GALK1: variants seen among roughly 807,000 people sequenced by gnomAD.
The protein encoded by GALK1 is galactokinase.
In GALK1, 30 loss-of-function variants were observed where a neutral mutation model predicts 38.6. That is an observed-to-expected ratio of 0.78 (90% CI 0.58 to 1.05). The LOEUF (loss-of-function observed/expected upper bound fraction) is 1.05. Among genes scored for constraint, GALK1 ranks in the 50% least tolerant of loss-of-function variants. The pLI, the probability that GALK1 is intolerant of heterozygous loss-of-function variation, is 0.00. For missense variants in GALK1, 512 were observed against 540.5 expected (o/e 0.95, Z 0.52); for synonymous variants, 240 against 233.6 (o/e 1.03, Z -0.25).
At chr17:75,755,594 C>A, downstream of GALK1, 1 of 1,424,258 alleles carries the variant, frequency 7.0e-7, no homozygotes, top group Non-Finnish European at 9.8e-7. Flanking sequence ...AGCCAGCGGT[C>A]AGTGTAGACA....
chr17:75,760,523 T>G (rs998894167), intron 5 of GALK1, among the ~76,000 whole-genome samples: 1 of 148,878 alleles, frequency 6.7e-6, no homozygotes. Context: ...CCCAGCACTT[T>G]GGGAGGCCAA....
downstream of GALK1, chr17:75,757,676 C>T (rs1433415056): frequency 1.4e-6 from 2 of 1,383,944 alleles, no homozygotes; most frequent in Non-Finnish European, 1.0e-6. Flanking sequence ...ATGCACAGAG[C>T]AGGGGCTAGG....
At chr17:75,757,603 C>T (rs1051233134), downstream of GALK1, 10 of 1,611,576 alleles carry the variant, frequency 6.2e-6, no homozygotes, top group African/African-American at 5.3e-5. Flanking sequence ...GTCCTCCCGA[C>T]TCCTCTCCCG....
intron 5 of GALK1, among the ~76,000 whole-genome samples, chr17:75,761,740 C>T (rs369838304): frequency 1.3e-5 from 2 of 150,190 alleles, no homozygotes; most frequent in East Asian, 3.9e-4. Context: ...AAAAAGAGAC[C>T]GGCACTATGG....
chr17:75,753,046 T>A (rs760379808), downstream of GALK1, among the ~76,000 whole-genome samples: 2 of 152,248 alleles, frequency 1.3e-5, no homozygotes. Flanking sequence ...GAGTGCTCAG[T>A]GTCAGCTGTG....
chr17:75,759,098 C>G (rs2061573297), intron 5 of GALK1, among the ~76,000 whole-genome samples: 1 of 152,056 alleles, frequency 6.6e-6, no homozygotes, highest in Non-Finnish European at 1.5e-5. Context: ...GGGTAGGTGG[C>G]ATGGCGGGAT....
intron 3 of GALK1, 57 bp downstream of exon 3, chr17:75,763,263 A>G: frequency 5.6e-6 from 9 of 1,613,448 alleles, no homozygotes; most frequent in Non-Finnish European, 7.6e-6. Flanking sequence ...AGAAGCTGGG[A>G]CCACCTGGAG....
downstream of GALK1, chr17:75,753,639 A>C (rs2061418591): frequency 5.2e-6 from 3 of 576,378 alleles, no homozygotes; most frequent in African/African-American, 3.9e-5. Context: ...CGCCCCCAAC[A>C]CACACCCCGG....
At chr17:75,754,970 A>G, downstream of GALK1, 5 of 1,325,242 alleles carry the variant, frequency 3.8e-6, no homozygotes, top group Non-Finnish European at 4.3e-6. Context: ...ACGCATGCAC[A>G]CATGTACACA....
chr17:75,763,449 A>G lies in GALK1; in HGVS notation c.356-10T>C, dbSNP rs1282630071. The G allele has an allele frequency of 1.9e-6, 3 of 1,584,278 alleles. No homozygotes were observed. Reference sequence around the variant, plus strand: ...CCAGGGAGGGGGGCAGCTGCAGGGGAAAGAACAGGTGATGGTAAGAGGGGC... The same window carrying G: ...CCAGGGAGGGGGGCAGCTGCAGGGGGAAGAACAGGTGATGGTAAGAGGGGC... On this transcript the variant is annotated splice_polypyrimidine_tract_variant and intron_variant, in intron 2 of 7. Transcript: ENST00000588479.
intron 1 of GALK1, 76 bp from the exon 2 acceptor site, chr17:75,764,162 G>T: frequency 1.5e-6 from 2 of 1,371,720 alleles, no homozygotes; most frequent in Non-Finnish European, 2.0e-6. Flanking sequence ...GCCTCCAGCC[G>T]AGGTTCTGAT....
intron 1 of GALK1, 168 bp downstream of exon 1, chr17:75,764,803 TG>T: frequency 2.7e-6 from 2 of 738,364 alleles, no homozygotes; most frequent in Non-Finnish European, 4.5e-6. Flanking sequence ...CCTTCCAACG[TG>T]GGGAACAGCC....
At chr17:75,764,827 T>C (rs1382717259) in intron 1 of GALK1, 145 bp downstream of exon 1, 1 of 865,440 alleles carries the variant, frequency 1.2e-6, no homozygotes, top group South Asian at 1.6e-5. Flanking sequence ...TCCCGGGGAC[T>C]CTTCCGTGCA....
chr17:75,753,843 T>G (rs372879741), downstream of GALK1: 384 of 1,427,842 alleles, frequency 2.7e-4, no homozygotes, highest in Non-Finnish European at 3.3e-4. Context: ...CCCCCGGAGC[T>G]CATCCCGCGC....
rs1331072125 is a variant in GALK1 at position 75,765,179 on chromosome 17, C to A, written c.-43G>T. 1 of 1,397,536 alleles carries A rather than the reference C, an allele frequency of 7.2e-7. No individual in the cohort carries two copies. Among genetic ancestry groups the A allele is most frequent in the Non-Finnish European group, 9.3e-7 (1 of 1,080,622 alleles). The allele number at this position is 1,397,536 out of a possible 1,614,324, so 86.6% of individuals were successfully genotyped here. The stretch of plus-strand genomic sequence containing the variant: ...CTGCACAGCTGCTCCGGCACAGCCC[C>A]GTCGGCGCGGGATGCTCGGGCGGGG... On this transcript the variant is annotated 5_prime_UTR_variant, in exon 1 of 8. Coordinates refer to ENST00000588479, the MANE Select transcript of GALK1 (RefSeq NM_000154.2).
chr17:75,763,619 C>T, intron 2 of GALK1, 180 bp from the exon 3 acceptor site: 1 of 749,676 alleles, frequency 1.3e-6, no homozygotes, highest in Non-Finnish European at 2.2e-6. Flanking sequence ...CATTTTCCCA[C>T]CCTCTGAGGT....
At chr17:75,754,424 G>C, downstream of GALK1, 15 of 890,120 alleles carry the variant, frequency 1.7e-5, no homozygotes, top group Non-Finnish European at 2.5e-5. Flanking sequence ...GGGACAGAGG[G>C]CCTCTGTCCC....
chr17:75,755,334 C>A, downstream of GALK1: 1 of 1,104,654 alleles, frequency 9.1e-7, no homozygotes, highest in Non-Finnish European at 1.3e-6. Flanking sequence ...GGACCCCCGC[C>A]TGCCCACAGG....
At position 75,762,880 on chromosome 17, in the gene GALK1, A is replaced by C. The variant is rs760894170; in HGVS notation, c.617T>G (p.Leu206Trp). 37 of 1,613,236 alleles carry C rather than the reference A, an allele frequency of 2.3e-5. No individual in the cohort carries two copies. The East Asian group carries it at 8.0e-4, about 35-fold the overall frequency. ...CGAGAGTGGCACCAGGCTGGTCTCC[A>C]AGGACCTGGGGTGGAGTTACAATGG... ...GHALLIDCRS[L>W]ETSLVPLSDP... is the part of the protein sequence containing the mutation. Residue 206 changes from leucine (L) to tryptophan (W), a missense_variant, in exon 5 of 8, where the codon TTG becomes TGG. Leu to Trp is a moderately conservative substitution (Grantham distance 61, BLOSUM62 -2). Coordinates refer to ENST00000588479, the MANE Select transcript of GALK1 (RefSeq NM_000154.2).
Sources: allele counts gnomAD v4.1 joint callset (sites outside exome capture counted in the v4.1 genomes callset), GRCh38; gene constraint gnomAD v4.1.1; transcripts MANE v1.5; gene names NCBI Gene and HGNC (gene_info 2026-07-23, HGNC 2026-07-21).